FCRL5: variants seen among roughly 807,000 people sequenced by gnomAD.
The protein encoded by FCRL5 is Fc receptor-like protein 5.
In FCRL5, 79 loss-of-function variants were observed where a neutral mutation model predicts 92.1. That is an observed-to-expected ratio of 0.86 (90% CI 0.72 to 1.03). The LOEUF (loss-of-function observed/expected upper bound fraction) is 1.03. Ranked by LOEUF, FCRL5 falls within the 50% of genes least tolerant of loss-of-function variation. The pLI is 0.00. For missense variants in FCRL5, 1,160 were observed against 1,181.1 expected (o/e 0.98, Z 0.26); for synonymous variants, 466 against 469.3 (o/e 0.99, Z 0.09).
chr1:157,519,615 G>T, intron 13 of FCRL5, 128 bp downstream of exon 13: 1 of 966,510 alleles, frequency 1.0e-6, no homozygotes, highest in Non-Finnish European at 1.7e-6. Context: ...CGTACAACAG[G>T]TAGTGGCCAC....
At chr1:157,550,076 G>A (rs993739820) in intron 1 of FCRL5, among the ~76,000 whole-genome samples, 2 of 152,200 alleles carry the variant, frequency 1.3e-5, no homozygotes, top group Non-Finnish European at 2.9e-5. Context: ...GTGGATGTTA[G>A]CATTTGTGTG....
intron 6 of FCRL5, among the ~76,000 whole-genome samples, chr1:157,541,404 A>G (rs1651254263): frequency 6.6e-6 from 1 of 152,228 alleles, no homozygotes; most frequent in South Asian, 2.1e-4. Context: ...CCTGCAAAAT[A>G]TGGCCCAAGC....
Position 157,519,786 on chromosome 1 carries a change from G to C in FCRL5, c.2633-16C>G. 1 of 1,613,888 alleles carries C rather than the reference G, an allele frequency of 6.2e-7. No homozygotes were observed. The highest frequency in any genetic ancestry group is 8.5e-7 in the Non-Finnish European group (1 of 1,179,918). On this transcript the variant is annotated splice_polypyrimidine_tract_variant and intron_variant, in intron 12 of 16. Coordinates refer to ENST00000361835, the MANE Select transcript of FCRL5 (RefSeq NM_031281.3). ...GGCTTTCTCCCTGTAAAGGAAAGCA[G>C]AGGAGCATTGGATTCAGGAAGATGA...
At chr1:157,517,594 T>C (rs116594631) in intron 15 of FCRL5, among the ~76,000 whole-genome samples, 4,734 of 152,212 alleles carry the variant, frequency 0.031, 224 homozygotes, top group African/African-American at 0.11. Flanking sequence ...GAAGGGGACA[T>C]GGGTGCAGGA....
chr1:157,522,266 A>G (rs920620997), intron 10 of FCRL5: 5 of 152,366 alleles, frequency 3.3e-5, no homozygotes, highest in African/African-American at 9.6e-5. Flanking sequence ...GATTTTTTTC[A>G]TCACAAACAT....
chr1:157,534,269 CTG>C (rs1277615148), intron 8 of FCRL5: 1 of 677,264 alleles, frequency 1.5e-6, no homozygotes, highest in East Asian at 2.9e-5. Context: ...ATCTATAAGA[CTG>C]TGCTTGTAGC....
At chr1:157,518,667 G>C in intron 14 of FCRL5, 33 bp downstream of exon 14, 10 of 1,591,468 alleles carry the variant, frequency 6.3e-6, no homozygotes, top group Non-Finnish European at 8.6e-6. Context: ...CAGCCCTCCA[G>C]CTTCTGCCAA....
Position 157,534,601 on chromosome 1 carries a change from A to T in FCRL5, c.1681+13T>A. The T allele has an allele frequency of 6.2e-7, 1 of 1,614,090 alleles. No homozygotes were observed. The highest frequency in any genetic ancestry group is 8.5e-7 in the Non-Finnish European group (1 of 1,179,966). On this transcript the variant is annotated intron_variant, in intron 8 of 16. Coordinates refer to ENST00000361835, the MANE Select transcript of FCRL5 (RefSeq NM_031281.3). The stretch of plus-strand genomic sequence containing the variant: ...AGCCAGGGGTGGGTGACTGGCAAGA[A>T]CCCAGCACTTACCAGTGACAAAAAG...
intron 9 of FCRL5, among the ~76,000 whole-genome samples, chr1:157,527,338 A>G (rs1381181628): frequency 1.3e-5 from 2 of 152,236 alleles, no homozygotes; most frequent in Non-Finnish European, 2.9e-5. Flanking sequence ...GTTGGCCAGA[A>G]TATAGTTTGT....
At position 157,515,586 on chromosome 1, in the gene FCRL5, C is replaced by G. The variant is rs1490998358; in HGVS notation, c.*89G>C. 6.2e-7 allele frequency: 1 copy of G among 1,612,956 alleles called. No homozygotes were observed. On this transcript the variant is annotated 3_prime_UTR_variant, in exon 17 of 17. Coordinates refer to ENST00000361835, the MANE Select transcript of FCRL5 (RefSeq NM_031281.3). Reference sequence around the variant, plus strand: ...GGCCAGTAGATATGGTCTGGGGCAGCCTAAATCTTCCCACTTCAATGCTGC... The same window carrying G: ...GGCCAGTAGATATGGTCTGGGGCAGGCTAAATCTTCCCACTTCAATGCTGC...
chr1:157,514,739 C>A lies in FCRL5; in HGVS notation c.*936G>T, dbSNP rs781223535. The A allele has an allele frequency of 6.6e-6, 1 of 152,264 alleles. No individual in the cohort carries two copies. The highest frequency in any genetic ancestry group is 6.5e-5 in the Admixed American group (1 of 15,284). 9.4% of individuals were successfully genotyped at this position (152,264 alleles called of 1,614,324 possible). A position where few individuals can be genotyped will look rare whatever the true frequency, so the allele number is the denominator to read the frequency against. On this transcript the variant is annotated 3_prime_UTR_variant, in exon 17 of 17. Transcript: ENST00000361835. ...ACAAGCACATGAAAGTGTGAGAAGCCCTTCCTCTTGCTGAACAGTTTCCTC... is the reference window on the plus strand; with the variant it reads ...ACAAGCACATGAAAGTGTGAGAAGCACTTCCTCTTGCTGAACAGTTTCCTC...
chr1:157,524,209 A>C, intron 10 of FCRL5, 70 bp downstream of exon 10: 1 of 1,565,832 alleles, frequency 6.4e-7, no homozygotes. Flanking sequence ...CTGTGGCTCC[A>C]TTTTCAGCTG....
At chr1:157,551,315 T>G (rs953668976) in intron 1 of FCRL5, among the ~76,000 whole-genome samples, 1 of 152,320 alleles carries the variant, frequency 6.6e-6, no homozygotes, top group Non-Finnish European at 1.5e-5. Context: ...GGGGCCACAC[T>G]GAGATGTATT....
intron 12 of FCRL5, 21 bp from the exon 13 acceptor site, chr1:157,519,791 G>A (rs748652043): frequency 5.9e-5 from 95 of 1,613,618 alleles, no homozygotes; most frequent in Non-Finnish European, 7.2e-5. Context: ...AAGCAGAGGA[G>A]CATTGGATTC....
At chr1:157,547,820 A>T (rs528885863) in intron 2 of FCRL5, among the ~76,000 whole-genome samples, 112 of 152,330 alleles carry the variant, frequency 7.4e-4, no homozygotes, top group African/African-American at 2.7e-3. Context: ...GTTGCTGTTC[A>T]TGGGTTCTCA....
At position 157,521,023 on chromosome 1, in the gene FCRL5, T is replaced by C. The variant is rs1650160843; in HGVS notation, c.2509A>G (p.Ile837Val). 4 of 1,605,046 alleles carry C rather than the reference T, an allele frequency of 2.5e-6. No homozygotes were observed. Among genetic ancestry groups the C allele is most frequent in the South Asian group, 2.2e-5 (2 of 89,800 alleles). Reference sequence around the variant, plus strand: ...CCGGGCACGGGAAACTTACCTGTGATATAAAGTGTCACTGTCTCACTGCGC... The same window carrying C: ...CCGGGCACGGGAAACTTACCTGTGACATAAAGTGTCACTGTCTCACTGCGC... ...AQRSETVTLY[I>V]TGLTANRSGP... Residue 837 changes from isoleucine (I) to valine (V), a missense_variant, in exon 11 of 17, where the codon ATC becomes GTC. Coordinates refer to ENST00000361835, the MANE Select transcript of FCRL5 (RefSeq NM_031281.3).
intron 1 of FCRL5, among the ~76,000 whole-genome samples, chr1:157,551,051 T>C (rs1651786381): frequency 6.6e-6 from 1 of 152,234 alleles, no homozygotes; most frequent in African/African-American, 2.4e-5. Context: ...CCTTCATCTT[T>C]GCATTGTTTT....
At position 157,517,988 on chromosome 1, in the gene FCRL5, G is replaced by A. The variant is rs77101323; in HGVS notation, c.2812+441C>T. ...GTCATCTGTCTGGAAAATGGGAATA[G>A]GGCCCTCACTAAGAACCTGACCATG... On this transcript the variant is annotated intron_variant, in intron 15 of 16. Coordinates refer to ENST00000361835, the MANE Select transcript of FCRL5 (RefSeq NM_031281.3). Among the ~76,000 whole-genome samples, 3 of 152,224 alleles carry A rather than the reference G, an allele frequency of 2.0e-5. No homozygotes were observed. The East Asian group carries it at 5.8e-4, about 29-fold the overall frequency.
At chr1:157,533,503 T>C (rs970643910) in intron 8 of FCRL5, 4 of 152,222 alleles carry the variant, frequency 2.6e-5, no homozygotes, top group African/African-American at 7.2e-5. Flanking sequence ...TAGATGATTT[T>C]TTTAAATCCC....
Sources: allele counts gnomAD v4.1 joint callset (sites outside exome capture counted in the v4.1 genomes callset), GRCh38; gene constraint gnomAD v4.1.1; transcripts MANE v1.5; gene names NCBI Gene and HGNC (gene_info 2026-07-23, HGNC 2026-07-21).